The following CEP83 variants were observed in gnomAD, a reference collection of about 807,000 sequenced individuals.
CEP83 encodes the protein centrosomal protein 83.
Under a neutral mutation model 101.9 loss-of-function variants are expected in CEP83, and 70 were observed. That is an observed-to-expected ratio of 0.69 (90% CI 0.57 to 0.84). CEP83 has a LOEUF of 0.84. Ranked by LOEUF, CEP83 falls within the 40% of genes least tolerant of loss-of-function variation. The pLI, the probability that CEP83 is intolerant of heterozygous loss-of-function variation, is 0.00. For missense variants in CEP83, 715 were observed against 787.2 expected (o/e 0.91, Z 1.10); for synonymous variants, 264 against 267.9 (o/e 0.99, Z 0.14).
intron 14 of CEP83, 27 bp from the exon 15 acceptor site, chr12:94,313,044 G>A (rs1238839419): frequency 1.0e-6 from 1 of 995,124 alleles, no homozygotes; most frequent in Admixed American, 2.2e-5. Context: ...GAACAAGTAT[G>A]TTAATACATA....
At chr12:94,297,303 G>A in the CEP83 span, 3 of 1,612,930 alleles carry the variant, frequency 1.9e-6, no homozygotes, top group Non-Finnish European at 2.5e-6. Flanking sequence ...CGCTTCTGCT[G>A]TCTTCCCTTC....
chr12:94,368,239 T>C, intron 9 of CEP83, 38 bp from the exon 10 acceptor site: 1 of 1,518,106 alleles, frequency 6.6e-7, no homozygotes, highest in East Asian at 2.3e-5. Flanking sequence ...CTATATTCAA[T>C]GTTATTAAGA....
chr12:94,426,803 G>A (rs1318224103), intron 2 of CEP83, among the ~76,000 whole-genome samples: 3 of 152,110 alleles, frequency 2.0e-5, no homozygotes, highest in African/African-American at 4.8e-5. Flanking sequence ...AAGAGGAAGA[G>A]GCAATGTGAC....
At chr12:94,420,580 T>TTTTTG (rs1273624997) in intron 2 of CEP83, among the ~76,000 whole-genome samples, 1 of 152,294 alleles carries the variant, frequency 6.6e-6, no homozygotes, top group East Asian at 1.9e-4. Context: ...TGCATGGTTT[T>TTTTTG]TTTTGTTTTG....
rs2137015791 is a variant in CEP83, at chr12:94,368,134, C to T, written c.1116G>A (p.Lys372=). 6.2e-7 allele frequency: 1 copy of T among 1,612,880 alleles called. No homozygotes were observed. Among genetic ancestry groups the T allele is most frequent in the South Asian group, 1.1e-5 (1 of 90,980 alleles). ...VEHHKVLLVE[K]DRELIRKVQA... ...GTACTTTACGTATTAATTCACGATCCTTTTCTACTAAGAGCACTTTGTGAT... is the reference window on the plus strand; with the variant it reads ...GTACTTTACGTATTAATTCACGATCTTTTTCTACTAAGAGCACTTTGTGAT... Residue 372 remains lysine, a synonymous_variant, in exon 10 of 17, where the codon AAG becomes AAA. Transcript: ENST00000397809.
the CEP83 span, among the ~76,000 whole-genome samples, chr12:94,275,485 G>A: frequency 6.6e-6 from 1 of 152,292 alleles, no homozygotes; most frequent in Non-Finnish European, 1.5e-5. Flanking sequence ...AGAGGCCCGC[G>A]TGCACTTTCC....
chr12:94,374,195 G>A (rs2061423400), intron 8 of CEP83, among the ~76,000 whole-genome samples: 1 of 152,076 alleles, frequency 6.6e-6, no homozygotes, highest in African/African-American at 2.4e-5. Flanking sequence ...AAAAAAAGAA[G>A]AAAAATCAGG....
intron 1 of CEP83, among the ~76,000 whole-genome samples, chr12:94,447,986 T>C (rs2066932046): frequency 6.6e-6 from 1 of 152,126 alleles, no homozygotes; most frequent in Admixed American, 6.5e-5. Flanking sequence ...ACATTACATG[T>C]GAATGAACTA....
At position 94,424,249 on chromosome 12, in the gene CEP83, C is replaced by T. The variant is rs191702454; in HGVS notation, c.-102+11026G>A. 5,767 of 1,614,120 alleles carry T rather than the reference C, an allele frequency of 3.6e-3. 14 individuals carry two copies. The highest frequency in any genetic ancestry group is 4.5e-3 in the Non-Finnish European group (5,335 of 1,179,974). On this transcript the variant is annotated intron_variant, in intron 2 of 16. Coordinates refer to ENST00000397809, the MANE Select transcript of CEP83 (RefSeq NM_016122.3). ...AGGCCATGATGCCCATGTCTCCATTCCTTGGCCAAGCCCGTCCATTTTGCA... is the reference window on the plus strand; with the variant it reads ...AGGCCATGATGCCCATGTCTCCATTTCTTGGCCAAGCCCGTCCATTTTGCA...
At chr12:94,317,366 C>T (rs1970871982) in intron 14 of CEP83, among the ~76,000 whole-genome samples, 1 of 152,186 alleles carries the variant, frequency 6.6e-6, no homozygotes, top group Admixed American at 6.6e-5. Flanking sequence ...TGTAGGTTAT[C>T]TGTCTACTCT....
intron 14 of CEP83, among the ~76,000 whole-genome samples, chr12:94,320,284 C>T (rs141557471): frequency 4.6e-5 from 7 of 152,202 alleles, no homozygotes; most frequent in African/African-American, 1.7e-4. Flanking sequence ...CTGGGTCTTG[C>T]TTTTTTATCC....
chr12:94,354,773 A>G (rs2060367016), intron 11 of CEP83, among the ~76,000 whole-genome samples: 1 of 152,184 alleles, frequency 6.6e-6, no homozygotes. Context: ...ACACTTCAGC[A>G]GGCTGAGGCA....
chr12:94,363,522 A>C (rs1344880822), intron 11 of CEP83, among the ~76,000 whole-genome samples: 1 of 152,208 alleles, frequency 6.6e-6, no homozygotes, highest in African/African-American at 2.4e-5. Context: ...CAAGGTCGTA[A>C]GGAGATGTTT....
At chr12:94,401,660 A>G (rs1216963822) in intron 5 of CEP83, among the ~76,000 whole-genome samples, 1 of 152,232 alleles carries the variant, frequency 6.6e-6, no homozygotes, top group East Asian at 1.9e-4. Context: ...ATGTCTCCTA[A>G]AATACCCAGC....
intron 6 of CEP83, among the ~76,000 whole-genome samples, chr12:94,383,996 T>C (rs560694138): frequency 3.9e-5 from 6 of 152,280 alleles, no homozygotes; most frequent in African/African-American, 1.4e-4. Flanking sequence ...TTTAGAAAAT[T>C]CATGAAGCAA....
At chr12:94,285,445 C>T in the CEP83 span, among the ~76,000 whole-genome samples, 1 of 152,244 alleles carries the variant, frequency 6.6e-6, no homozygotes, top group East Asian at 1.9e-4. Flanking sequence ...TGTGGCATTG[C>T]TGTAGGGAGT....
intron 14 of CEP83, chr12:94,328,117 G>A (rs1045788774): frequency 2.4e-5 from 4 of 165,784 alleles, no homozygotes; most frequent in African/African-American, 7.2e-5. Flanking sequence ...ATCTGACCAA[G>A]AATTATTTCA....
chr12:94,315,949 T>C (rs1973832), intron 14 of CEP83, among the ~76,000 whole-genome samples: 90,201 of 151,974 alleles, frequency 0.59, 26,955 homozygotes, highest in African/African-American at 0.66. Flanking sequence ...AGTCCTCTAG[T>C]TTTATTGTTC....
the CEP83 span, among the ~76,000 whole-genome samples, chr12:94,273,785 G>A: frequency 1.3e-5 from 2 of 152,148 alleles, no homozygotes; most frequent in African/African-American, 2.4e-5. Context: ...CACAAAATGA[G>A]CTCTGGCAGT....
Sources: gnomAD v4.1 joint callset for allele counts (sites outside exome capture counted in the v4.1 genomes callset) on GRCh38, gnomAD v4.1.1 for gene constraint, MANE v1.5 for transcripts, NCBI Gene and HGNC (gene_info 2026-07-23, HGNC 2026-07-21) for gene names.